Variants in UXS1 observed in about 807,000 individuals in gnomAD.
UXS1 encodes UDP-glucuronate decarboxylase 1, also known as UDP-glucuronic acid decarboxylase 1.
UXS1 carries 33 observed loss-of-function variants against 62.6 expected under a neutral mutation model. The ratio of observed to expected loss-of-function variants is 0.53; its 90% CI spans 0.40 to 0.70. The LOEUF (loss-of-function observed/expected upper bound fraction) is 0.70. Among genes scored for constraint, UXS1 ranks in the 30% least tolerant of loss-of-function variants. UXS1 has a pLI of 0.00. For missense variants in UXS1, 434 were observed against 556.3 expected, an observed-to-expected ratio of 0.78 and a Z score of 2.21; for synonymous variants, 213 against 206.8, an observed-to-expected ratio of 1.03 and a Z score of -0.26.
intron 6 of UXS1, among the ~76,000 whole-genome samples, chr2:106,143,188 C>T (rs959388979): frequency 6.6e-6 from 1 of 151,302 alleles, no homozygotes; most frequent in South Asian, 2.1e-4. Flanking sequence ...GTGGGCGGAT[C>T]ATGAGGGCAG....
chr2:106,096,046 C>A (rs1352407939), intron 14 of UXS1, among the ~76,000 whole-genome samples: 1 of 152,240 alleles, frequency 6.6e-6, no homozygotes, highest in Non-Finnish European at 1.5e-5. Context: ...CGCTTCCAAC[C>A]AGGGGCTCCA....
chr2:106,194,300 G>A lies in UXS1; in HGVS notation c.-59C>T, dbSNP rs1685138676. The A allele has an allele frequency of 4.0e-6, 4 of 1,010,894 alleles. No individual in the cohort carries two copies. The highest frequency in any genetic ancestry group is 4.7e-5 in the East Asian group (1 of 21,434). 62.6% of individuals were successfully genotyped at this position (1,010,894 alleles called of 1,614,324 possible). ...CGCGGGGGCCCGCCTGCTGCACAAT[G>A]CGCGGCGGCGGCGGCGGCAGCGGCC... On this transcript the variant is annotated 5_prime_UTR_variant, in exon 1 of 15. Transcript: ENST00000283148.
chr2:106,111,020 G>A (rs899283268), intron 10 of UXS1, among the ~76,000 whole-genome samples: 3 of 152,228 alleles, frequency 2.0e-5, no homozygotes, highest in Admixed American at 2.0e-4. Flanking sequence ...AAGGTGCGGA[G>A]GCAACAGGGC....
rs1350628510 is a variant in UXS1, at chr2:106,112,842, G to T, written c.760-77C>A. 95 of 1,525,190 alleles carry T rather than the reference G, an allele frequency of 6.2e-5. 1 individual carries two copies. The Middle Eastern group carries it at 1.0e-3, about 17-fold the overall frequency. The allele number at this position is 1,525,190 out of a possible 1,614,324, so 94.5% of individuals were successfully genotyped here. On this transcript the variant is annotated intron_variant, in intron 9 of 14. Coordinates refer to ENST00000283148, the MANE Select transcript of UXS1 (RefSeq NM_001253875.2). ...ATCCACTTTGCATTTCCAGTGCCCTGCATGCAATGCAGAATGGAAACGTTC... is the reference window on the plus strand; with the variant it reads ...ATCCACTTTGCATTTCCAGTGCCCTTCATGCAATGCAGAATGGAAACGTTC...
At chr2:106,103,280 G>C (rs192314904) in intron 11 of UXS1, among the ~76,000 whole-genome samples, 4 of 152,342 alleles carry the variant, frequency 2.6e-5, no homozygotes, top group Admixed American at 6.5e-5. Context: ...AGAGCAGAAA[G>C]AAGAATGGGT....
intron 13 of UXS1, among the ~76,000 whole-genome samples, chr2:106,097,910 G>A (rs1048280259): frequency 2.6e-5 from 4 of 152,230 alleles, no homozygotes; most frequent in African/African-American, 7.2e-5. Flanking sequence ...CTACTGCCAC[G>A]AGCAACGGGA....
At chr2:106,137,593 A>T (rs1177685768) in intron 6 of UXS1, among the ~76,000 whole-genome samples, 2 of 151,980 alleles carry the variant, frequency 1.3e-5, no homozygotes, top group African/African-American at 4.8e-5. Context: ...GTTCGAATCC[A>T]GCCTGGCCAA....
intron 5 of UXS1, among the ~76,000 whole-genome samples, chr2:106,155,000 G>A (rs1276983337): frequency 6.6e-6 from 1 of 152,182 alleles, no homozygotes; most frequent in Non-Finnish European, 1.5e-5. Context: ...GGCTAAGGGG[G>A]AGCAGGCATG....
At chr2:106,141,003 CAG>C (rs1376218493) in intron 6 of UXS1, among the ~76,000 whole-genome samples, 1 of 152,212 alleles carries the variant, frequency 6.6e-6, no homozygotes, top group Non-Finnish European at 1.5e-5. Context: ...AAAATGATGA[CAG>C]AGACACAGAT....
intron 14 of UXS1, among the ~76,000 whole-genome samples, chr2:106,095,554 G>C (rs1365557548): frequency 1.3e-5 from 2 of 152,222 alleles, no homozygotes; most frequent in African/African-American, 4.8e-5. Flanking sequence ...CTGACTCTCT[G>C]ACTGCGCCAC....
At chr2:106,098,634 T>TA in intron 13 of UXS1, 82 bp downstream of exon 13, 1 of 1,140,170 alleles carries the variant, frequency 8.8e-7, no homozygotes, top group Non-Finnish European at 1.3e-6. Flanking sequence ...TTGTATTAAT[T>TA]ACCCACTTTC....
intron 6 of UXS1, among the ~76,000 whole-genome samples, chr2:106,137,671 TGTAATCCCA>T (rs1189068108): frequency 6.6e-6 from 1 of 150,974 alleles, no homozygotes; most frequent in Admixed American, 6.6e-5. Flanking sequence ...GGCAGGCACC[TGTAATCCCA>T]GCTACTTGGG....
chr2:106,192,139 G>A (rs1167594898), intron 1 of UXS1, among the ~76,000 whole-genome samples: 1 of 152,214 alleles, frequency 6.6e-6, no homozygotes, highest in Non-Finnish European at 1.5e-5. Flanking sequence ...ATGTGGTATA[G>A]GGTCTGTACC....
At chr2:106,187,014 TG>T (rs1684600993) in intron 1 of UXS1, among the ~76,000 whole-genome samples, 1 of 152,120 alleles carries the variant, frequency 6.6e-6, no homozygotes, top group African/African-American at 2.4e-5. Context: ...GGTGAAGTAC[TG>T]TTACGTCTGC....
At chr2:106,136,407 A>G (rs1680641257) in intron 6 of UXS1, among the ~76,000 whole-genome samples, 1 of 146,734 alleles carries the variant, frequency 6.8e-6, no homozygotes, top group Non-Finnish European at 1.5e-5. Context: ...CCATCCCATT[A>G]CTGGGTATAT....
At position 106,140,273 on chromosome 2, in the gene UXS1, AT is replaced by A. The variant is rs145196325; in HGVS notation, c.472+4916del. ...CTGTGAAGCCACCGCAGGGGAAAGA[AT>A]TTTCAGTGTCCTAGGCTGCTCCATA... On this transcript the variant is annotated intron_variant, in intron 6 of 14. Transcript: ENST00000283148. Among the ~76,000 whole-genome samples the A allele has an allele frequency of 6.6e-3, 1,011 of 152,266 alleles. 13 individuals are homozygous for A. The highest frequency in any genetic ancestry group is 0.023 in the African/African-American group (952 of 41,550).
intron 4 of UXS1, among the ~76,000 whole-genome samples, chr2:106,162,704 C>T (rs972189525): frequency 1.8e-4 from 27 of 152,190 alleles, no homozygotes; most frequent in African/African-American, 6.5e-4. Context: ...ACTAAGGAAT[C>T]TGTTAAAAAT....
chr2:106,153,999 T>C lies in UXS1; in HGVS notation c.291+4059A>G, dbSNP rs554295247. ...AACTAGGCTAAAGAATCAGCAAACT[T>C]GGACTGAAAGGGCTTATGCAACCCA... On this transcript the variant is annotated intron_variant, in intron 5 of 14. Transcript: ENST00000283148. Among the ~76,000 whole-genome samples, 7 of 152,244 alleles carry C rather than the reference T, an allele frequency of 4.6e-5. No homozygotes were observed. In the South Asian group the frequency reaches 1.5e-3, roughly 32 times the overall value.
At chr2:106,154,515 T>C (rs1316628527) in intron 5 of UXS1, among the ~76,000 whole-genome samples, 1 of 152,144 alleles carries the variant, frequency 6.6e-6, no homozygotes, top group Non-Finnish European at 1.5e-5. Context: ...GTGATGCCTC[T>C]ACCAGCCAAA....
Sources: gnomAD v4.1 joint callset for allele counts (sites outside exome capture counted in the v4.1 genomes callset) on GRCh38, gnomAD v4.1.1 for gene constraint, MANE v1.5 for transcripts, NCBI Gene and HGNC (gene_info 2026-07-23, HGNC 2026-07-21) for gene names.